ITSN1: variants seen among roughly 807,000 people sequenced by gnomAD.
ITSN1 encodes intersectin 1.
Under a neutral mutation model 239.8 loss-of-function variants are expected in ITSN1, and 58 were observed. The observed-to-expected ratio is 0.24, with a 90% CI of 0.20 to 0.30. The LOEUF (loss-of-function observed/expected upper bound fraction) is 0.30, where lower values mean the gene tolerates loss of function less well. Among genes scored for constraint, ITSN1 ranks in the 10% least tolerant of loss-of-function variants. ITSN1 has a pLI of 1.00. For synonymous variants in ITSN1, 780 were observed against 770.8 expected (o/e 1.01, Z -0.20); for missense variants, 1,558 against 2,103.3 (o/e 0.74, Z 5.07).
intron 29 of ITSN1, among the ~76,000 whole-genome samples, chr21:33,839,595 G>C (rs1179605420): frequency 6.6e-6 from 1 of 152,210 alleles, no homozygotes; most frequent in Non-Finnish European, 1.5e-5. Context: ...GATCCCTTCA[G>C]CTGTGTAAGC....
intron 29 of ITSN1, among the ~76,000 whole-genome samples, chr21:33,843,409 G>A (rs533788242): frequency 2.0e-5 from 3 of 152,212 alleles, no homozygotes; most frequent in African/African-American, 7.2e-5. Context: ...ATGCTGACCC[G>A]CCCCAGCCCT....
chr21:33,756,229 A>G (rs2067901466), intron 8 of ITSN1, among the ~76,000 whole-genome samples: 3 of 148,296 alleles, frequency 2.0e-5, no homozygotes, highest in African/African-American at 7.4e-5. Context: ...AGGCGGTTGC[A>G]GTGAGTCAAG....
chr21:33,760,693 A>T (rs1424641301), intron 8 of ITSN1, among the ~76,000 whole-genome samples: 1 of 152,218 alleles, frequency 6.6e-6, no homozygotes, highest in East Asian at 1.9e-4. Context: ...ACTGCTGGCC[A>T]TGCAAAAACA....
At chr21:33,860,801 T>A (rs1037751086) in intron 31 of ITSN1, among the ~76,000 whole-genome samples, 1 of 152,124 alleles carries the variant, frequency 6.6e-6, no homozygotes, top group Non-Finnish European at 1.5e-5. Flanking sequence ...ACATCCCAAG[T>A]TTTTGTCTGG....
chr21:33,677,690 CT>C (rs1183094278), intron 1 of ITSN1, among the ~76,000 whole-genome samples: 1 of 152,130 alleles, frequency 6.6e-6, no homozygotes, highest in Non-Finnish European at 1.5e-5. Flanking sequence ...CACCCCAGTC[CT>C]TTCTCGTCTT....
At chr21:33,720,873 A>T (rs2065442833) in intron 2 of ITSN1, among the ~76,000 whole-genome samples, 1 of 152,190 alleles carries the variant, frequency 6.6e-6, no homozygotes, top group African/African-American at 2.4e-5. Context: ...GGTTTATGTA[A>T]GTAAATTATT....
intron 24 of ITSN1, among the ~76,000 whole-genome samples, chr21:33,819,733 A>G (rs1253246342): frequency 1.3e-5 from 2 of 152,190 alleles, no homozygotes; most frequent in Non-Finnish European, 2.9e-5. Flanking sequence ...CTGTAATCCC[A>G]GCACTTTGGG....
In ITSN1 at chr21:33,642,702, CCCG is replaced by C. The variant is rs1404773168; in HGVS notation, c.-43_-41del. 1 of 152,888 alleles carries C rather than the reference CCCG, an allele frequency of 6.5e-6. No individual in the cohort carries two copies. Among genetic ancestry groups the C allele is most frequent in the Non-Finnish European group, 1.5e-5 (1 of 68,372 alleles). 9.5% of individuals were successfully genotyped at this position (152,888 alleles called of 1,614,324 possible). ...TCCCTGGGGCGGCAGCGCGGACCCGCCCGGAGATGAGGTGAGGAGAGGGCTGCA... is the reference window on the plus strand; with the variant it reads ...TCCCTGGGGCGGCAGCGCGGACCCGCGAGATGAGGTGAGGAGAGGGCTGCA... On this transcript the variant is annotated 5_prime_UTR_variant, in exon 1 of 40. Transcript: ENST00000381318.
intron 33 of ITSN1, among the ~76,000 whole-genome samples, chr21:33,874,713 A>G (rs1256641812): frequency 2.0e-5 from 3 of 148,790 alleles, no homozygotes; most frequent in Non-Finnish European, 3.0e-5. Context: ...CAGTGGCGCA[A>G]TCTTGGCTCA....
At chr21:33,817,623 G>A (rs747947653) in intron 22 of ITSN1, 2 of 1,254,736 alleles carry the variant, frequency 1.6e-6, no homozygotes, top group Non-Finnish European at 2.1e-6. Context: ...AGTGCTTTGT[G>A]GTTAATAAAG....
At position 33,882,363 on chromosome 21, in the gene ITSN1, C is replaced by T. The variant is rs199837075; in HGVS notation, c.4462C>T (p.Leu1488=). The change falls in exon 35 of 40, where the codon CTG becomes TTG. Residue 1488 remains leucine (L), a synonymous_variant. Coordinates refer to ENST00000381318, the MANE Select transcript of ITSN1 (RefSeq NM_003024.3). The surrounding 1 kb of genome is among the most constrained non-coding windows in gnomAD (Gnocchi z 4.5). ...TGGCTTCCTTTTCAACGACTTCCTC[C>T]TGCTGACTCAGATCACGAAGCCTTT... ...LYGFLFNDFL[L]LTQITKPLGS... The T allele has an allele frequency of 1.2e-6, 2 of 1,614,224 alleles. No homozygotes were observed. Among genetic ancestry groups the T allele is most frequent in the East Asian group, 2.2e-5 (1 of 44,890 alleles).
chr21:33,716,588 A>G lies in ITSN1; in HGVS notation c.-32-2209A>G, dbSNP rs190259558. The G allele has an allele frequency of 4.6e-5, 7 of 152,294 alleles. No individual in the cohort carries two copies. The East Asian group carries it at 1.2e-3, about 25-fold the overall frequency. 9.4% of individuals were successfully genotyped at this position (152,294 alleles called of 1,614,324 possible). A position where few individuals can be genotyped will look rare whatever the true frequency, so the allele number is the denominator to read the frequency against. ...AATATACCTGATCATTTTACAGAGAAGCCCATCAGTCAACAAGCTTGCCAC... is the reference window on the plus strand; with the variant it reads ...AATATACCTGATCATTTTACAGAGAGGCCCATCAGTCAACAAGCTTGCCAC... On this transcript the variant is annotated intron_variant, in intron 1 of 39. Transcript: ENST00000381318.
chr21:33,781,852 T>A (rs1004109769), intron 15 of ITSN1, 142 bp from the exon 16 acceptor site: 104 of 786,750 alleles, frequency 1.3e-4, no homozygotes, highest in Non-Finnish European at 5.1e-5. Flanking sequence ...GTGCTGGGAT[T>A]ACAGGTGTAG....
intron 7 of ITSN1, chr21:33,754,268 A>T (rs1232775305): frequency 6.6e-6 from 1 of 152,172 alleles, no homozygotes; most frequent in Non-Finnish European, 1.5e-5. Context: ...AAAAAGGTGA[A>T]TTCATATAAG....
At chr21:33,644,745 C>T (rs1396614022) in intron 1 of ITSN1, among the ~76,000 whole-genome samples, 1 of 150,760 alleles carries the variant, frequency 6.6e-6, no homozygotes. Flanking sequence ...TCAAGTTTAT[C>T]TTTTCCCCAA....
chr21:33,871,391 C>T (rs1325235241), intron 33 of ITSN1, among the ~76,000 whole-genome samples: 1 of 151,534 alleles, frequency 6.6e-6, no homozygotes, highest in African/African-American at 2.4e-5. Context: ...GATTGAGTCA[C>T]TGCACTCCAG....
chr21:33,822,645 G>A (rs981315160), intron 24 of ITSN1, among the ~76,000 whole-genome samples: 2 of 152,080 alleles, frequency 1.3e-5, no homozygotes, highest in Admixed American at 6.5e-5. Context: ...AAAAAGGAAA[G>A]TTTCTTCTGT....
chr21:33,856,907 G>A (rs1389452819), intron 30 of ITSN1, 50 bp downstream of exon 30: 1 of 1,560,536 alleles, frequency 6.4e-7, no homozygotes, highest in Non-Finnish European at 8.8e-7. Flanking sequence ...ATGACGGAGG[G>A]AGAGGGGAGG....
At chr21:33,809,716 T>C (rs2072751798) in intron 20 of ITSN1, among the ~76,000 whole-genome samples, 2 of 152,198 alleles carry the variant, frequency 1.3e-5, no homozygotes, top group South Asian at 4.1e-4. Flanking sequence ...GTTTTACTCC[T>C]TAGGCAGCAT....
Sources: allele counts gnomAD v4.1 joint callset (sites outside exome capture counted in the v4.1 genomes callset), GRCh38; gene constraint gnomAD v4.1.1; non-coding constraint Gnocchi (gnomAD v3.1); transcripts MANE v1.5; gene names NCBI Gene and HGNC (gene_info 2026-07-23, HGNC 2026-07-21).